The following CFAP299 variants were observed in gnomAD, a reference collection of about 807,000 sequenced individuals.
CFAP299 encodes the protein cilia- and flagella-associated protein 299.
CFAP299 carries 21 observed loss-of-function variants against 27.0 expected under a neutral mutation model. The ratio of observed to expected loss-of-function variants is 0.78; its 90% confidence interval spans 0.55 to 1.12. CFAP299 has a LOEUF of 1.12. Ranked by LOEUF, CFAP299 falls within the 50% of genes most tolerant of loss-of-function variation. CFAP299 has a pLI of 0.00. For synonymous variants in CFAP299, 104 were observed against 98.1 expected (o/e 1.06, Z -0.36); for missense variants, 310 against 276.6 (o/e 1.12, Z -0.86).
At chr4:80,511,336 A>C (rs1040273029) in intron 2 of CFAP299, among the ~76,000 whole-genome samples, 1 of 152,184 alleles carries the variant, frequency 6.6e-6, no homozygotes, top group Non-Finnish European at 1.5e-5. Context: ...CATTAAATAC[A>C]GGAGATGCAC....
At chr4:80,545,621 A>G (rs1017853871) in intron 2 of CFAP299, among the ~76,000 whole-genome samples, 8 of 152,268 alleles carry the variant, frequency 5.3e-5, no homozygotes, top group Admixed American at 1.3e-4. Flanking sequence ...TATCAACCAA[A>G]AAAAGTCCTG....
intron 3 of CFAP299, among the ~76,000 whole-genome samples, chr4:80,692,571 A>C (rs1005141797): frequency 2.0e-5 from 3 of 152,214 alleles, no homozygotes; most frequent in African/African-American, 7.2e-5. Context: ...CTTAAACGTT[A>C]GACCTAAAAC....
intron 2 of CFAP299, among the ~76,000 whole-genome samples, chr4:80,520,571 A>G (rs1732859055): frequency 6.6e-6 from 1 of 152,180 alleles, no homozygotes; most frequent in Non-Finnish European, 1.5e-5. Flanking sequence ...ATGCAGCTTC[A>G]CCAAATCATG....
At chr4:80,578,842 C>A (rs1736016836) in intron 2 of CFAP299, among the ~76,000 whole-genome samples, 1 of 152,078 alleles carries the variant, frequency 6.6e-6, no homozygotes, top group African/African-American at 2.4e-5. Context: ...ATAGACTTAA[C>A]CTATGACTGT....
chr4:80,508,051 T>C (rs944982263), intron 2 of CFAP299, among the ~76,000 whole-genome samples: 2 of 152,166 alleles, frequency 1.3e-5, no homozygotes, highest in Non-Finnish European at 2.9e-5. Flanking sequence ...ATGTCTACTG[T>C]ACCCTAGGAG....
chr4:80,531,976 G>A (rs1022039134), intron 2 of CFAP299, among the ~76,000 whole-genome samples: 3 of 151,818 alleles, frequency 2.0e-5, no homozygotes, highest in Admixed American at 6.6e-5. Flanking sequence ...GGCTAGTCCC[G>A]AACTCCCGAC....
At chr4:80,740,630 AG>A (rs1267096503) in intron 3 of CFAP299, among the ~76,000 whole-genome samples, 3 of 152,190 alleles carry the variant, frequency 2.0e-5, no homozygotes, top group African/African-American at 7.2e-5. Flanking sequence ...GAGTTCCCAC[AG>A]GCCCTGGACA....
At chr4:80,668,875 G>T (rs72864811) in intron 3 of CFAP299, among the ~76,000 whole-genome samples, 11,401 of 151,852 alleles carry the variant, frequency 0.075, 632 homozygotes, top group East Asian at 0.22. Context: ...TTTTGATAGG[G>T]ATTGCACTGA....
At chr4:80,339,179 C>T (rs1176778919) in intron 1 of CFAP299, among the ~76,000 whole-genome samples, 1 of 152,236 alleles carries the variant, frequency 6.6e-6, no homozygotes, top group Non-Finnish European at 1.5e-5. Context: ...GCACTCCCTG[C>T]TCTAGGAATT....
At chr4:80,924,538 G>GTGTGTGTATA (rs5859742) in intron 4 of CFAP299, among the ~76,000 whole-genome samples, 47 of 131,692 alleles carry the variant, frequency 3.6e-4, no homozygotes, top group African/African-American at 1.3e-3. Flanking sequence ...GTGTGTGTGT[G>GTGTGTGTATA]TATATATATA....
intron 3 of CFAP299, among the ~76,000 whole-genome samples, chr4:80,699,705 C>T (rs780318469): frequency 6.6e-6 from 1 of 152,166 alleles, no homozygotes; most frequent in Non-Finnish European, 1.5e-5. Context: ...TCTAAGTCTT[C>T]TGCTCAAGAG....
intron 3 of CFAP299, among the ~76,000 whole-genome samples, chr4:80,860,255 G>C (rs1732233047): frequency 6.6e-6 from 1 of 152,120 alleles, no homozygotes; most frequent in Non-Finnish European, 1.5e-5. Flanking sequence ...TTGGCTTTCA[G>C]CTCCACCAGC....
intron 3 of CFAP299, among the ~76,000 whole-genome samples, chr4:80,670,634 A>G (rs879956105): frequency 6.6e-6 from 1 of 152,168 alleles, no homozygotes; most frequent in East Asian, 1.9e-4. Flanking sequence ...ATTTCTCCAC[A>G]TCCTCTCCAG....
At chr4:80,604,537 A>T (rs1295919351) in intron 3 of CFAP299, among the ~76,000 whole-genome samples, 1 of 152,154 alleles carries the variant, frequency 6.6e-6, no homozygotes, top group Non-Finnish European at 1.5e-5. Context: ...TGTTACCTGG[A>T]TTGCAAGCCC....
intron 4 of CFAP299, among the ~76,000 whole-genome samples, chr4:80,895,828 G>A (rs545237732): frequency 5.9e-5 from 9 of 152,124 alleles, no homozygotes; most frequent in African/African-American, 1.7e-4. Context: ...GCAACAGAAA[G>A]ATGGTGAAAA....
intron 4 of CFAP299, among the ~76,000 whole-genome samples, chr4:80,877,240 T>C (rs1173275821): frequency 6.6e-6 from 1 of 152,192 alleles, no homozygotes; most frequent in African/African-American, 2.4e-5. Context: ...TACAGATAAA[T>C]TTAATTTTCC....
chr4:80,431,233 A>G (rs1314096520), intron 2 of CFAP299, among the ~76,000 whole-genome samples: 1 of 152,182 alleles, frequency 6.6e-6, no homozygotes, highest in Non-Finnish European at 1.5e-5. Context: ...CTGGAATGGT[A>G]TCTGGCATTC....
chr4:80,533,928 A>AG (rs1297956385), intron 2 of CFAP299, among the ~76,000 whole-genome samples: 1 of 152,136 alleles, frequency 6.6e-6, no homozygotes, highest in Non-Finnish European at 1.5e-5. Flanking sequence ...CAAATATGAT[A>AG]GGTTCATAAT....
intron 3 of CFAP299, among the ~76,000 whole-genome samples, chr4:80,616,630 C>T (rs1177494062): frequency 6.6e-6 from 1 of 151,968 alleles, no homozygotes; most frequent in Non-Finnish European, 1.5e-5. Flanking sequence ...CACTTCATTA[C>T]GTGCTTTCCT....
Sources: gnomAD v4.1 joint callset for allele counts (sites outside exome capture counted in the v4.1 genomes callset) on GRCh38, gnomAD v4.1.1 for gene constraint, MANE v1.5 for transcripts, NCBI Gene and HGNC (gene_info 2026-07-23, HGNC 2026-07-21) for gene names.